Variants in RABGEF1 observed in about 807,000 individuals in gnomAD.
RABGEF1 encodes the protein RAB guanine nucleotide exchange factor 1, also known as rab5 GDP/GTP exchange factor.
Under a neutral mutation model 57.3 loss-of-function variants are expected in RABGEF1, and 26 were observed. The ratio of observed to expected loss-of-function variants is 0.45; its 90% CI spans 0.33 to 0.63. RABGEF1 has a LOEUF of 0.63. Ranked by LOEUF, RABGEF1 falls within the 20% of genes least tolerant of loss-of-function variation. The probability of loss-of-function intolerance (pLI) is 0.02; values close to 1 mark genes in which losing one functional copy is unlikely to be tolerated. For synonymous variants in RABGEF1, 185 were observed against 210.7 expected, an observed-to-expected ratio of 0.88 and a Z score of 1.06; for missense variants, 464 against 607.6, an observed-to-expected ratio of 0.76 and a Z score of 2.48.
At chr7:66,767,818 T>C (rs1806129916) in intron 1 of RABGEF1, among the ~76,000 whole-genome samples, 1 of 152,140 alleles carries the variant, frequency 6.6e-6, no homozygotes, top group Non-Finnish European at 1.5e-5. Flanking sequence ...CTGTGAGAAA[T>C]AAATTTCTGT....
chr7:66,735,882 C>T (rs553115256), upstream of RABGEF1, among the ~76,000 whole-genome samples: 1 of 152,252 alleles, frequency 6.6e-6, no homozygotes, highest in South Asian at 2.1e-4. Flanking sequence ...CAAGAACAAA[C>T]GAATACAGAG....
chr7:66,670,094 G>A, the RABGEF1 span, among the ~76,000 whole-genome samples: 1 of 152,118 alleles, frequency 6.6e-6, no homozygotes, highest in East Asian at 1.9e-4. Flanking sequence ...TTCCCCAAGG[G>A]CTTCCTATTG....
At chr7:66,808,065 TTTAA>T (rs1375293920) in intron 8 of RABGEF1, 1 of 152,198 alleles carries the variant, frequency 6.6e-6, no homozygotes, top group Non-Finnish European at 1.5e-5. Context: ...TGTTATGTTG[TTTAA>T]TTCTCACAAT....
At chr7:66,684,486 T>C (rs1385178153) in intron 1 of RABGEF1, among the ~76,000 whole-genome samples, 2 of 152,054 alleles carry the variant, frequency 1.3e-5, no homozygotes, top group Non-Finnish European at 2.9e-5. Context: ...AAAAGGTCTC[T>C]ATCTGTCGTC....
chr7:66,750,212 A>G lies in RABGEF1; in HGVS notation c.-18+9420A>G, dbSNP rs143789623. On this transcript the variant is annotated intron_variant, in intron 1 of 8. Transcript: ENST00000284957. ...GGATTTTTATTTGTCTAGGGTTTTA[A>G]AAGTTGTATAGTCATGAATGGACAC... Among the ~76,000 whole-genome samples the G allele has an allele frequency of 1.5e-3, 233 of 152,288 alleles. 1 individual carries two copies. The Middle Eastern group carries it at 0.02, about 13-fold the overall frequency.
intron 2 of RABGEF1, among the ~76,000 whole-genome samples, chr7:66,773,076 G>GTT (rs1807582875): frequency 8.4e-6 from 1 of 118,668 alleles, no homozygotes. Context: ...CCTCTAGCTA[G>GTT]TTGTTTGTTT....
intron 1 of RABGEF1, among the ~76,000 whole-genome samples, chr7:66,686,108 C>T (rs896560672): frequency 1.3e-5 from 2 of 152,004 alleles, no homozygotes; most frequent in Admixed American, 6.6e-5. Flanking sequence ...TGCGAAACCC[C>T]GTCTCTACTA....
chr7:66,680,488 C>T (rs1562683268), upstream of RABGEF1, among the ~76,000 whole-genome samples: 1 of 152,110 alleles, frequency 6.6e-6, no homozygotes, highest in Non-Finnish European at 1.5e-5. Context: ...AGGTGATCCG[C>T]CCGCCTCTGC....
At chr7:66,801,192 G>A (rs1213938076) in intron 7 of RABGEF1, among the ~76,000 whole-genome samples, 6 of 152,214 alleles carry the variant, frequency 3.9e-5, no homozygotes, top group Admixed American at 3.9e-4. Context: ...GACAAGGAGA[G>A]TGTCAGGGCC....
chr7:66,733,033 A>T (rs58680236), intron 2 of RABGEF1, among the ~76,000 whole-genome samples: 7 of 152,142 alleles, frequency 4.6e-5, no homozygotes, highest in African/African-American at 1.7e-4. Context: ...TAATGCAGAG[A>T]AAGTTCCAGC....
At chr7:66,758,952 C>T (rs1193318976) in intron 1 of RABGEF1, among the ~76,000 whole-genome samples, 1 of 152,204 alleles carries the variant, frequency 6.6e-6, no homozygotes, top group Non-Finnish European at 1.5e-5. Context: ...ACAGTACAGA[C>T]AGGTCCTGTG....
chr7:66,764,827 T>C (rs1330365707), intron 1 of RABGEF1, among the ~76,000 whole-genome samples: 4 of 152,248 alleles, frequency 2.6e-5, no homozygotes, highest in South Asian at 4.1e-4. Context: ...TCTATGACTT[T>C]CCTTGTGCCA....
At chr7:66,785,301 A>G (rs1204786988) in intron 4 of RABGEF1, among the ~76,000 whole-genome samples, 3 of 152,128 alleles carry the variant, frequency 2.0e-5, no homozygotes, top group Admixed American at 6.5e-5. Flanking sequence ...CCTATTTTCC[A>G]TTTCTACACT....
the RABGEF1 span, among the ~76,000 whole-genome samples, chr7:66,660,471 T>C: frequency 6.6e-6 from 1 of 151,716 alleles, no homozygotes; most frequent in Non-Finnish European, 1.5e-5. Flanking sequence ...CCAAATGAAA[T>C]GGCAAATCTC....
At chr7:66,755,663 G>T (rs1291685544) in intron 1 of RABGEF1, among the ~76,000 whole-genome samples, 2 of 152,160 alleles carry the variant, frequency 1.3e-5, no homozygotes, top group Admixed American at 1.3e-4. Context: ...TACAAAGTAG[G>T]CTACGGTAGC....
chr7:66,803,400 G>A (rs1481513291), intron 7 of RABGEF1, among the ~76,000 whole-genome samples: 3 of 152,234 alleles, frequency 2.0e-5, no homozygotes, highest in African/African-American at 7.2e-5. Context: ...AGAATTTGGT[G>A]TAAAATTAAG....
intron 2 of RABGEF1, among the ~76,000 whole-genome samples, chr7:66,723,546 T>A (rs528593284): frequency 6.6e-6 from 1 of 152,320 alleles, no homozygotes; most frequent in East Asian, 1.9e-4. Flanking sequence ...TACACTGCTA[T>A]TTTTTCTTTA....
the RABGEF1 span, among the ~76,000 whole-genome samples, chr7:66,658,548 A>G: frequency 6.6e-6 from 1 of 152,058 alleles, no homozygotes; most frequent in South Asian, 2.1e-4. Flanking sequence ...AAAAAAAAAA[A>G]AAAGAAAAAG....
intron 1 of RABGEF1, among the ~76,000 whole-genome samples, chr7:66,707,895 T>A (rs1438984207): frequency 6.6e-6 from 1 of 152,214 alleles, no homozygotes; most frequent in Non-Finnish European, 1.5e-5. Context: ...TTTTTTGTCT[T>A]AAAGCCAATT....
Sources: gnomAD v4.1 joint callset for allele counts (sites outside exome capture counted in the v4.1 genomes callset) on GRCh38, gnomAD v4.1.1 for gene constraint, MANE v1.5 for transcripts, NCBI Gene and HGNC (gene_info 2026-07-23, HGNC 2026-07-21) for gene names.